Variants in MAP2K6 observed in about 807,000 individuals in gnomAD.
MAP2K6 encodes the protein dual specificity mitogen-activated protein kinase kinase 6.
Under a neutral mutation model 53.7 loss-of-function variants are expected in MAP2K6, and 16 were observed. That is an observed-to-expected ratio of 0.30 (90% CI 0.20 to 0.45). The LOEUF (loss-of-function observed/expected upper bound fraction) is 0.45, where lower values mean the gene tolerates loss of function less well. Among genes scored for constraint, MAP2K6 ranks in the 20% least tolerant of loss-of-function variants. The probability of loss-of-function intolerance (pLI) is 1.00; values close to 1 mark genes in which losing one functional copy is unlikely to be tolerated. For missense variants in MAP2K6, 204 were observed against 411.9 expected, an observed-to-expected ratio of 0.50 and a Z score of 4.37; for synonymous variants, 132 against 143.1, an observed-to-expected ratio of 0.92 and a Z score of 0.55.
intron 2 of MAP2K6, among the ~76,000 whole-genome samples, chr17:69,509,143 G>A (rs1426058310): frequency 1.3e-5 from 2 of 152,162 alleles, no homozygotes; most frequent in Admixed American, 1.3e-4. Context: ...TGTCCACAGA[G>A]AAACTTACTG....
chr17:69,455,735 C>G (rs1399453349), intron 1 of MAP2K6, among the ~76,000 whole-genome samples: 2 of 151,982 alleles, frequency 1.3e-5, no homozygotes, highest in African/African-American at 2.4e-5. Flanking sequence ...GCCCTTAACC[C>G]TGTAAAAATG....
chr17:69,449,539 T>TTCTTTG (rs1487904811), intron 1 of MAP2K6, among the ~76,000 whole-genome samples: 8,793 of 104,568 alleles, frequency 0.084, 410 homozygotes, highest in Middle Eastern at 0.11. Context: ...TTGTCTTTCT[T>TTCTTTG]TCTTTCTTTC....
chr17:69,497,506 C>G (rs1908994695), intron 1 of MAP2K6, among the ~76,000 whole-genome samples: 2 of 145,108 alleles, frequency 1.4e-5, no homozygotes, highest in Admixed American at 1.4e-4. Context: ...ATTATTAGAT[C>G]AGTTCATCTT....
intron 1 of MAP2K6, among the ~76,000 whole-genome samples, chr17:69,436,934 C>T (rs556595848): frequency 6.6e-6 from 1 of 152,194 alleles, no homozygotes; most frequent in African/African-American, 2.4e-5. Flanking sequence ...AAGTGATTCT[C>T]CTGCCTCAGC....
intron 10 of MAP2K6, 45 bp from the exon 11 acceptor site, chr17:69,536,070 T>C (rs1196764532): frequency 3.8e-6 from 5 of 1,299,042 alleles, no homozygotes; most frequent in Non-Finnish European, 4.4e-6. Context: ...CTAATGAAAA[T>C]ATATATGGCT....
At chr17:69,443,610 G>A (rs1040173817) in intron 1 of MAP2K6, among the ~76,000 whole-genome samples, 2 of 152,174 alleles carry the variant, frequency 1.3e-5, no homozygotes, top group African/African-American at 2.4e-5. Context: ...TGTGCCCTAG[G>A]TGCCACACTT....
At position 69,544,203 on chromosome 17, in the gene MAP2K6, ATC is replaced by A. The variant is rs1911784545; in HGVS notation, c.*2454_*2455del. On this transcript the variant is annotated 3_prime_UTR_variant, in exon 12 of 12. Transcript: ENST00000590474. ...TCTTTCCCTGTCCTCATCAGTGGAA[ATC>A]TCTTTGTCACTCTGAGAGAAGGCAT... The A allele has an allele frequency of 6.6e-6, 1 of 152,152 alleles. No homozygotes were observed. The allele number at this position is 152,152 out of a possible 1,614,324, so 9.4% of individuals were successfully genotyped here.
In MAP2K6 at chr17:69,544,084, A is replaced by G. The variant is rs1911781256; in HGVS notation, c.*2331A>G. The G allele has an allele frequency of 6.6e-6, 1 of 152,184 alleles. No individual in the cohort carries two copies. Among genetic ancestry groups the G allele is most frequent in the Non-Finnish European group, 1.5e-5 (1 of 68,032 alleles). The allele number at this position is 152,184 out of a possible 1,614,324, so 9.4% of individuals were successfully genotyped here. On this transcript the variant is annotated 3_prime_UTR_variant, in exon 12 of 12. Transcript: ENST00000590474. Reference sequence around the variant, plus strand: ...GCTGGGTTCAGAACACTTATCTAGTACCTTCTAAAGAGAACTGACTTAAAT... The same window carrying G: ...GCTGGGTTCAGAACACTTATCTAGTGCCTTCTAAAGAGAACTGACTTAAAT...
At chr17:69,459,930 G>A (rs377232456) in intron 1 of MAP2K6, among the ~76,000 whole-genome samples, 133 of 118,744 alleles carry the variant, frequency 1.1e-3, no homozygotes, top group African/African-American at 4.1e-3. Context: ...TCCTCCCTTC[G>A]TTCCTCTTTT....
At chr17:69,527,492 T>C (rs1055247389) in intron 10 of MAP2K6, among the ~76,000 whole-genome samples, 3 of 152,246 alleles carry the variant, frequency 2.0e-5, no homozygotes, top group Non-Finnish European at 4.4e-5. Context: ...AAGTATTCTC[T>C]AGACAATCCA....
At chr17:69,506,448 G>A (rs976322733) in intron 2 of MAP2K6, among the ~76,000 whole-genome samples, 2 of 149,826 alleles carry the variant, frequency 1.3e-5, no homozygotes, top group Non-Finnish European at 3.0e-5. Flanking sequence ...CTGTCTCTGT[G>A]TGGTGGGAAC....
chr17:69,504,079 G>A (rs1909323243), intron 1 of MAP2K6, among the ~76,000 whole-genome samples: 2 of 152,054 alleles, frequency 1.3e-5, no homozygotes, highest in Admixed American at 1.3e-4. Context: ...ATTCTGACTG[G>A]GTCATTGCTG....
At chr17:69,531,273 C>A (rs957808182) in intron 10 of MAP2K6, among the ~76,000 whole-genome samples, 5 of 152,138 alleles carry the variant, frequency 3.3e-5, no homozygotes, top group African/African-American at 1.2e-4. Context: ...CCATTATACC[C>A]GCAGCCTAGG....
intron 1 of MAP2K6, chr17:69,433,370 G>A (rs918430404): frequency 1.3e-5 from 2 of 152,218 alleles, no homozygotes; most frequent in African/African-American, 4.8e-5. Context: ...GTCAGACTTT[G>A]ACTCTCTGGG....
At chr17:69,484,676 C>T (rs1055843331) in intron 1 of MAP2K6, among the ~76,000 whole-genome samples, 1 of 151,998 alleles carries the variant, frequency 6.6e-6, no homozygotes, top group Non-Finnish European at 1.5e-5. Context: ...GGAAACAATA[C>T]ATATCTGATG....
At chr17:69,423,718 G>A (rs999924447) in intron 1 of MAP2K6, among the ~76,000 whole-genome samples, 15 of 152,076 alleles carry the variant, frequency 9.9e-5, no homozygotes, top group South Asian at 2.1e-4. Context: ...CCTTTTGCCC[G>A]TCCTGGGGTC....
intron 9 of MAP2K6, among the ~76,000 whole-genome samples, chr17:69,525,292 A>G (rs1046244730): frequency 6.6e-6 from 1 of 152,128 alleles, no homozygotes; most frequent in Non-Finnish European, 1.5e-5. Context: ...CAGATTCCTT[A>G]TAGTTTAAAA....
intron 1 of MAP2K6, among the ~76,000 whole-genome samples, chr17:69,483,745 T>C (rs1195320211): frequency 6.6e-6 from 1 of 152,078 alleles, no homozygotes; most frequent in Admixed American, 6.6e-5. Flanking sequence ...GGATTAAGGA[T>C]AGACACAGAC....
intron 1 of MAP2K6, among the ~76,000 whole-genome samples, chr17:69,461,759 G>A (rs960243622): frequency 1.3e-5 from 2 of 152,166 alleles, no homozygotes; most frequent in Non-Finnish European, 2.9e-5. Context: ...CTCAGATAGT[G>A]GAGGGGAGAG....
Sources: allele counts gnomAD v4.1 joint callset (sites outside exome capture counted in the v4.1 genomes callset), GRCh38; gene constraint gnomAD v4.1.1; transcripts MANE v1.5; gene names NCBI Gene and HGNC (gene_info 2026-07-23, HGNC 2026-07-21).